Variants in EYA4 observed in about 807,000 individuals in gnomAD.
The protein encoded by EYA4 is EYA transcriptional coactivator and phosphatase 4.
EYA4 carries 31 observed loss-of-function variants against 87.9 expected under a neutral mutation model. The ratio of observed to expected loss-of-function variants is 0.35; its 90% CI spans 0.27 to 0.48. The LOEUF is 0.48. Among genes scored for constraint, EYA4 ranks in the 20% least tolerant of loss-of-function variants. The pLI, the probability that EYA4 is intolerant of heterozygous loss-of-function variation, is 0.99. For synonymous variants in EYA4, 263 were observed against 270.6 expected (o/e 0.97, Z 0.28); for missense variants, 678 against 761.4 (o/e 0.89, Z 1.29).
chr6:133,337,909 G>T (rs150575557), intron 2 of EYA4, among the ~76,000 whole-genome samples: 1 of 152,110 alleles, frequency 6.6e-6, no homozygotes, highest in Non-Finnish European at 1.5e-5. Flanking sequence ...GGAGAATTTC[G>T]CAGATTGGGG....
chr6:133,375,374 T>C (rs1440624115), intron 2 of EYA4, among the ~76,000 whole-genome samples: 1 of 152,002 alleles, frequency 6.6e-6, no homozygotes, highest in African/African-American at 2.4e-5. Context: ...AAGTAAACTT[T>C]GGAATAATTT....
At chr6:133,395,829 T>C (rs955283224) in intron 3 of EYA4, among the ~76,000 whole-genome samples, 1 of 152,192 alleles carries the variant, frequency 6.6e-6, no homozygotes, top group African/African-American at 2.4e-5. Context: ...TATCCCAGCT[T>C]ACCCCATGTA....
At chr6:133,365,605 G>A (rs550771280) in intron 2 of EYA4, among the ~76,000 whole-genome samples, 6 of 152,260 alleles carry the variant, frequency 3.9e-5, no homozygotes, top group African/African-American at 1.4e-4. Flanking sequence ...GAAGGAGGAA[G>A]GGAAAGCCTG....
At chr6:133,390,382 C>T (rs963007958) in intron 3 of EYA4, among the ~76,000 whole-genome samples, 8 of 152,064 alleles carry the variant, frequency 5.3e-5, no homozygotes, top group Non-Finnish European at 1.0e-4. Flanking sequence ...CCACCACACC[C>T]GCCTACTTTT....
Position 133,262,727 on chromosome 6 carries a change from C to T in EYA4, c.-65-11989C>T, listed in dbSNP as rs973474293. 2.6e-5 allele frequency among the ~76,000 whole-genome samples: 4 copies of T among 152,138 alleles called. No individual in the cohort carries two copies. In the East Asian group the frequency reaches 7.7e-4, roughly 29 times the overall value. On this transcript the variant is annotated intron_variant, in intron 1 of 19. Coordinates refer to ENST00000355286, the MANE Select transcript of EYA4 (RefSeq NM_004100.5). Reference sequence around the variant, plus strand: ...TAACTTTTAGCATGAGAAGTATGAACCCCATTATCATTTTTTAAACATTTT... The same window carrying T: ...TAACTTTTAGCATGAGAAGTATGAATCCCATTATCATTTTTTAAACATTTT...
At chr6:133,486,262 T>A (rs1796674731) in intron 13 of EYA4, among the ~76,000 whole-genome samples, 2 of 152,216 alleles carry the variant, frequency 1.3e-5, no homozygotes, top group African/African-American at 4.8e-5. Context: ...TTACTTAATG[T>A]AATTCAGAAA....
At chr6:133,494,857 AAAAT>A (rs1797498261) in intron 13 of EYA4, among the ~76,000 whole-genome samples, 1 of 150,812 alleles carries the variant, frequency 6.6e-6, no homozygotes, top group Non-Finnish European at 1.5e-5. Flanking sequence ...ATAAAATTAT[AAAAT>A]AAATAAAAGA....
intron 14 of EYA4, among the ~76,000 whole-genome samples, chr6:133,507,588 A>G (rs1337462177): frequency 1.3e-5 from 2 of 152,002 alleles, no homozygotes; most frequent in African/African-American, 4.8e-5. Flanking sequence ...ATGTGTTCTC[A>G]TTATTCAACT....
intron 2 of EYA4, among the ~76,000 whole-genome samples, chr6:133,368,371 G>A (rs958636930): frequency 6.6e-6 from 1 of 152,070 alleles, no homozygotes; most frequent in South Asian, 2.1e-4. Flanking sequence ...AGAGTTTTAG[G>A]CAAGGTTCAC....
At chr6:133,299,937 ATCTATCTATCTATCTATC>A (rs1387776007) in intron 2 of EYA4, among the ~76,000 whole-genome samples, 2 of 127,196 alleles carry the variant, frequency 1.6e-5, no homozygotes, top group Non-Finnish European at 3.4e-5. Flanking sequence ...CTATCTATCT[ATCTATCTATCTATCTATC>A]TATATATATA....
At chr6:133,485,821 C>A (rs1796639059) in intron 13 of EYA4, among the ~76,000 whole-genome samples, 1 of 152,168 alleles carries the variant, frequency 6.6e-6, no homozygotes. Context: ...CAGAAAGAAT[C>A]AGAGGCACTA....
At chr6:133,351,691 G>T (rs1361341345) in intron 2 of EYA4, among the ~76,000 whole-genome samples, 1 of 152,036 alleles carries the variant, frequency 6.6e-6, no homozygotes, top group African/African-American at 2.4e-5. Context: ...TATTTCTCTG[G>T]ATTTCTAAAT....
chr6:133,477,627 G>A (rs1244478385), intron 11 of EYA4, among the ~76,000 whole-genome samples: 4 of 152,004 alleles, frequency 2.6e-5, no homozygotes, highest in Non-Finnish European at 5.9e-5. Context: ...AACCTGAAGA[G>A]TCCATTGCTA....
At chr6:133,443,996 A>G (rs1361588192) in intron 3 of EYA4, among the ~76,000 whole-genome samples, 1 of 152,182 alleles carries the variant, frequency 6.6e-6, no homozygotes, top group Admixed American at 6.5e-5. Context: ...TGTGCATTTT[A>G]TAATTATTGG....
At chr6:133,338,977 G>A (rs747772288) in intron 2 of EYA4, among the ~76,000 whole-genome samples, 1 of 151,988 alleles carries the variant, frequency 6.6e-6, no homozygotes, top group Non-Finnish European at 1.5e-5. Flanking sequence ...TTTGTAAATT[G>A]ATTGTCACTT....
At chr6:133,290,198 G>T (rs1778377213) in intron 2 of EYA4, among the ~76,000 whole-genome samples, 1 of 152,204 alleles carries the variant, frequency 6.6e-6, no homozygotes, top group Non-Finnish European at 1.5e-5. Flanking sequence ...CTAGATGAGG[G>T]ATTGCCCAAC....
chr6:133,434,826 G>GA (rs1290766645), intron 3 of EYA4, among the ~76,000 whole-genome samples: 1 of 151,802 alleles, frequency 6.6e-6, no homozygotes, highest in Non-Finnish European at 1.5e-5. Context: ...TTTTTTCTTA[G>GA]AAAAAAACAG....
intron 13 of EYA4, among the ~76,000 whole-genome samples, chr6:133,493,606 G>T (rs1797376607): frequency 6.6e-6 from 1 of 152,134 alleles, no homozygotes; most frequent in Admixed American, 6.5e-5. Flanking sequence ...GAGGCATCAA[G>T]TTAAAAAGCT....
rs1392276448 is a variant in EYA4 at position 133,464,220 on chromosome 6, G to A, written c.725-559G>A. 2.6e-5 allele frequency among the ~76,000 whole-genome samples: 4 copies of A among 151,970 alleles called. No homozygotes were observed. The East Asian group carries it at 7.7e-4, about 29-fold the overall frequency. ...AGACCTTGTAGTAAAGTTTTAGAAGGCCCTCAAACCCTAGATTTGTGTACC... is the reference window on the plus strand; with the variant it reads ...AGACCTTGTAGTAAAGTTTTAGAAGACCCTCAAACCCTAGATTTGTGTACC... On this transcript the variant is annotated intron_variant, in intron 9 of 19. Transcript: ENST00000355286.
Sources: gnomAD v4.1 joint callset for allele counts (sites outside exome capture counted in the v4.1 genomes callset) on GRCh38, gnomAD v4.1.1 for gene constraint, MANE v1.5 for transcripts, NCBI Gene and HGNC (gene_info 2026-07-23, HGNC 2026-07-21) for gene names.